The following PDSS2 variants were observed in gnomAD, a reference collection of about 807,000 sequenced individuals.
The protein encoded by PDSS2 is all trans-polyprenyl-diphosphate synthase PDSS2.
PDSS2 carries 31 observed loss-of-function variants against 44.5 expected under a neutral mutation model. The observed-to-expected ratio is 0.70, with a 90% CI of 0.52 to 0.94. The LOEUF is 0.94. Among genes scored for constraint, PDSS2 ranks in the 40% least tolerant of loss-of-function variants. The pLI is 0.00. For synonymous variants in PDSS2, 157 were observed against 180.3 expected, an observed-to-expected ratio of 0.87 and a Z score of 1.03; for missense variants, 452 against 482.2, an observed-to-expected ratio of 0.94 and a Z score of 0.59.
chr6:107,225,007 G>T (rs929175382), intron 4 of PDSS2, among the ~76,000 whole-genome samples: 2 of 149,344 alleles, frequency 1.3e-5, no homozygotes, highest in Admixed American at 6.6e-5. Context: ...ATGGTTGTCG[G>T]CAGTAGGCTT....
At chr6:107,210,645 A>T (rs1350251433) in intron 5 of PDSS2, 75 bp from the exon 6 acceptor site, 16 of 966,356 alleles carry the variant, frequency 1.7e-5, no homozygotes, top group Non-Finnish European at 2.7e-5. Context: ...TTCAGAAAGT[A>T]CCAGTTAATG....
At chr6:107,176,006 A>T (rs1771772146) in intron 7 of PDSS2, among the ~76,000 whole-genome samples, 1 of 152,084 alleles carries the variant, frequency 6.6e-6, no homozygotes, top group Non-Finnish European at 1.5e-5. Flanking sequence ...GACAATACCA[A>T]ATATTGCCCC....
intron 1 of PDSS2, among the ~76,000 whole-genome samples, chr6:107,379,919 AAT>A (rs1302274465): frequency 6.6e-6 from 1 of 152,016 alleles, no homozygotes; most frequent in African/African-American, 2.4e-5. Context: ...TATTATGTAT[AAT>A]ATGTTTTTCT....
intron 1 of PDSS2, among the ~76,000 whole-genome samples, chr6:107,439,375 T>C (rs1781449208): frequency 6.6e-6 from 1 of 152,218 alleles, no homozygotes; most frequent in African/African-American, 2.4e-5. Flanking sequence ...TGGATGCATT[T>C]AACTCTAAAT....
At chr6:107,191,809 A>G (rs73523772) in intron 7 of PDSS2, among the ~76,000 whole-genome samples, 7,715 of 152,106 alleles carry the variant, frequency 0.051, 600 homozygotes, top group African/African-American at 0.17. Context: ...ACAGGGTTTC[A>G]CCATATTATC....
intron 3 of PDSS2, among the ~76,000 whole-genome samples, chr6:107,258,299 A>G (rs1026714492): frequency 6.6e-6 from 1 of 152,104 alleles, no homozygotes; most frequent in Non-Finnish European, 1.5e-5. Context: ...CCTTGATTAT[A>G]ATCATTTTGT....
At chr6:107,394,409 C>T (rs375166566) in intron 1 of PDSS2, among the ~76,000 whole-genome samples, 1 of 152,162 alleles carries the variant, frequency 6.6e-6, no homozygotes. Flanking sequence ...AAAGCAGGAG[C>T]TTGCTCATCA....
At chr6:107,366,141 A>C (rs956384107) in intron 1 of PDSS2, among the ~76,000 whole-genome samples, 3 of 152,152 alleles carry the variant, frequency 2.0e-5, no homozygotes, top group Non-Finnish European at 2.9e-5. Context: ...TGGGCCAGAA[A>C]ACAAGTCTAA....
intron 1 of PDSS2, among the ~76,000 whole-genome samples, chr6:107,440,850 T>C (rs1322019802): frequency 2.6e-5 from 4 of 152,198 alleles, no homozygotes; most frequent in Non-Finnish European, 5.9e-5. Flanking sequence ...GAAAGACTAT[T>C]TCATGTCTAT....
At chr6:107,380,410 T>G (rs918614995) in intron 1 of PDSS2, among the ~76,000 whole-genome samples, 1 of 152,156 alleles carries the variant, frequency 6.6e-6, no homozygotes, top group Non-Finnish European at 1.5e-5. Context: ...AGAAAGGCCA[T>G]GGTGGGGTAA....
chr6:107,215,666 T>TA (rs1205118647), intron 4 of PDSS2, among the ~76,000 whole-genome samples: 1 of 152,110 alleles, frequency 6.6e-6, no homozygotes, highest in African/African-American at 2.4e-5. Flanking sequence ...GAGATTCAAC[T>TA]AAAAAACTAC....
At chr6:107,400,119 C>T (rs1462237640) in intron 1 of PDSS2, among the ~76,000 whole-genome samples, 1 of 152,042 alleles carries the variant, frequency 6.6e-6, no homozygotes, top group Non-Finnish European at 1.5e-5. Context: ...CAATCCAGGT[C>T]ACAGGGGAGC....
intron 3 of PDSS2, 123 bp downstream of exon 3, chr6:107,273,906 C>G: frequency 1.3e-6 from 1 of 759,896 alleles, no homozygotes; most frequent in Non-Finnish European, 2.4e-6. Flanking sequence ...CACAGTTTTA[C>G]TGTTTACTGA....
rs563771452 is a variant in PDSS2, at chr6:107,218,711, CT to C, written c.703-6430del. Among the ~76,000 whole-genome samples, 13 of 152,296 alleles carry C rather than the reference CT, an allele frequency of 8.5e-5. No individual in the cohort carries two copies. The South Asian group carries it at 2.7e-3, about 32-fold the overall frequency. The stretch of plus-strand genomic sequence containing the variant: ...TCTTTCTTTTGGTATCTCTCTCCCT[CT>C]TTTGTACCTTCCTCTATCTTTCCTA... On this transcript the variant is annotated intron_variant, in intron 4 of 7. Coordinates refer to ENST00000369037, the MANE Select transcript of PDSS2 (RefSeq NM_020381.4).
intron 6 of PDSS2, among the ~76,000 whole-genome samples, chr6:107,200,794 G>C (rs1424224573): frequency 6.6e-6 from 1 of 151,948 alleles, no homozygotes; most frequent in Admixed American, 6.6e-5. Context: ...AGCCTCCCTA[G>C]TAGCTGGGAT....
At chr6:107,234,346 T>C (rs1335372094) in intron 4 of PDSS2, among the ~76,000 whole-genome samples, 1 of 152,002 alleles carries the variant, frequency 6.6e-6, no homozygotes, top group Admixed American at 6.6e-5. Context: ...GCTGGGACTA[T>C]AGGCGCGTGC....
chr6:107,155,975 C>T (rs7763199), intron 7 of PDSS2, among the ~76,000 whole-genome samples: 85,679 of 147,076 alleles, frequency 0.58, 28,272 homozygotes, highest in Non-Finnish European at 0.75. Flanking sequence ...TTGCAACCTC[C>T]GCCTCCCGGA....
At chr6:107,441,950 G>A (rs1156903112) in intron 1 of PDSS2, among the ~76,000 whole-genome samples, 1 of 152,118 alleles carries the variant, frequency 6.6e-6, no homozygotes, top group Non-Finnish European at 1.5e-5. Context: ...ACAGGACTTT[G>A]AATCTTGAGC....
chr6:107,370,307 G>C (rs1352236050), intron 1 of PDSS2, among the ~76,000 whole-genome samples: 1 of 152,108 alleles, frequency 6.6e-6, no homozygotes, highest in Non-Finnish European at 1.5e-5. Flanking sequence ...TCATTATTAG[G>C]ATATGTTTCA....
Sources: gnomAD v4.1 joint callset for allele counts (sites outside exome capture counted in the v4.1 genomes callset) on GRCh38, gnomAD v4.1.1 for gene constraint, MANE v1.5 for transcripts, NCBI Gene and HGNC (gene_info 2026-07-23, HGNC 2026-07-21) for gene names.